The following MCC variants were observed in gnomAD, a reference collection of about 807,000 sequenced individuals.
The protein encoded by MCC is MCC regulator of Wnt signaling pathway, also known as colorectal mutant cancer protein.
MCC carries 90 observed loss-of-function variants against 116.2 expected under a neutral mutation model. That is an observed-to-expected ratio of 0.77 (90% CI 0.65 to 0.92). The LOEUF is 0.92. MCC is among the 40% of genes least tolerant of loss of function. The probability of loss-of-function intolerance (pLI) is 0.00; values close to 1 mark genes in which losing one functional copy is unlikely to be tolerated. For missense variants in MCC, 1,516 were observed against 1,312.2 expected (o/e 1.16, Z -2.40); for synonymous variants, 578 against 510.5 (o/e 1.13, Z -1.78).
At chr5:113,229,793 T>C (rs1763875436) in intron 3 of MCC, among the ~76,000 whole-genome samples, 1 of 152,180 alleles carries the variant, frequency 6.6e-6, no homozygotes, top group African/African-American at 2.4e-5. Flanking sequence ...CAGTACTCAG[T>C]ACAGTAACAT....
chr5:113,106,498 G>T (rs1472572534), intron 6 of MCC, among the ~76,000 whole-genome samples: 1 of 151,768 alleles, frequency 6.6e-6, no homozygotes, highest in African/African-American at 2.4e-5. Flanking sequence ...TTCCTTTGCT[G>T]TTTCCTTTGT....
Position 113,358,864 on chromosome 5 carries a change from G to T in MCC, c.416-18134C>A, listed in dbSNP as rs561507820. 1.6e-3 allele frequency among the ~76,000 whole-genome samples: 241 copies of T among 152,220 alleles called. 1 individual carries two copies. Among genetic ancestry groups the T allele is most frequent in the African/African-American group, 5.2e-3 (216 of 41,554 alleles). On this transcript the variant is annotated intron_variant, in intron 2 of 18. Transcript: ENST00000408903. ...AGTCATTTATTAATGTCAATGCTTG[G>T]TATGAAATTCAGGAACCTGATCCCC...
At chr5:113,391,656 C>T (rs1049081001) in intron 1 of MCC, among the ~76,000 whole-genome samples, 6 of 151,926 alleles carry the variant, frequency 3.9e-5, no homozygotes, top group African/African-American at 1.5e-4. Flanking sequence ...AGTTTGGAGG[C>T]TGCAGCGAGC....
intron 3 of MCC, among the ~76,000 whole-genome samples, chr5:113,302,944 G>C (rs1164362420): frequency 1.3e-5 from 2 of 152,222 alleles, no homozygotes; most frequent in Non-Finnish European, 1.5e-5. Context: ...AATCAATGGA[G>C]ATGGTAAGAA....
chr5:113,168,659 C>T (rs1028470447), intron 3 of MCC, among the ~76,000 whole-genome samples: 5 of 152,058 alleles, frequency 3.3e-5, no homozygotes, highest in Middle Eastern at 3.4e-3. Context: ...TTCTGAATCT[C>T]GTAGTTTGAA....
intron 3 of MCC, among the ~76,000 whole-genome samples, chr5:113,165,940 T>C (rs2150300338): frequency 7.2e-6 from 1 of 138,790 alleles, no homozygotes; most frequent in South Asian, 2.5e-4. Context: ...ATTTGCAAGC[T>C]AAATTTCTCC....
rs1247062777 is a variant in MCC at position 113,025,359 on chromosome 5, G to T, written c.*1943C>A. Reference sequence around the variant, plus strand: ...AATCACAGGAATGGCCAGGCACATTGGCTCATGCCTGTAATCCCAGCACTT... The same window carrying T: ...AATCACAGGAATGGCCAGGCACATTTGCTCATGCCTGTAATCCCAGCACTT... On this transcript the variant is annotated 3_prime_UTR_variant, in exon 19 of 19. Transcript: ENST00000408903. 2.0e-5 allele frequency: 3 copies of T among 151,712 alleles called. No individual in the cohort carries two copies. The highest frequency in any genetic ancestry group is 4.4e-5 in the Non-Finnish European group (3 of 67,984). The allele number at this position is 151,712 out of a possible 1,614,324, so 9.4% of individuals were successfully genotyped here.
At chr5:113,055,096 C>T (rs1450106589) in intron 14 of MCC, among the ~76,000 whole-genome samples, 1 of 152,202 alleles carries the variant, frequency 6.6e-6, no homozygotes, top group African/African-American at 2.4e-5. Context: ...CAAAACAGGC[C>T]AGGCTGTGTT....
chr5:113,238,687 C>T (rs1200639376), intron 3 of MCC, among the ~76,000 whole-genome samples: 1 of 152,192 alleles, frequency 6.6e-6, no homozygotes, highest in African/African-American at 2.4e-5. Context: ...TTAGTTTCAT[C>T]CTCCCACATG....
At chr5:113,370,997 C>T (rs551459184) in intron 2 of MCC, among the ~76,000 whole-genome samples, 1 of 152,234 alleles carries the variant, frequency 6.6e-6, no homozygotes, top group African/African-American at 2.4e-5. Flanking sequence ...GCAGGTGGAT[C>T]ACTTGAGGTC....
At chr5:113,264,917 C>T (rs1450146539) in intron 3 of MCC, among the ~76,000 whole-genome samples, 2 of 152,088 alleles carry the variant, frequency 1.3e-5, no homozygotes, top group African/African-American at 4.8e-5. Flanking sequence ...TGGCACATGC[C>T]TGTAGTCCCA....
intron 1 of MCC, chr5:113,433,570 C>T: frequency 2.7e-5 from 24 of 883,254 alleles, no homozygotes; most frequent in Non-Finnish European, 3.9e-5. Flanking sequence ...CACCTAGGGG[C>T]CACGGGAGAA....
intron 4 of MCC, among the ~76,000 whole-genome samples, chr5:113,149,910 A>C (rs560366221): frequency 6.6e-6 from 1 of 152,242 alleles, no homozygotes; most frequent in African/African-American, 2.4e-5. Context: ...CCCCTAAAAA[A>C]CCAAAAGGAA....
intron 1 of MCC, among the ~76,000 whole-genome samples, chr5:113,402,615 G>A (rs1212638654): frequency 6.6e-6 from 1 of 152,084 alleles, no homozygotes; most frequent in Non-Finnish European, 1.5e-5. Flanking sequence ...ACTTTTTTAA[G>A]GGTTAAAAAA....
At chr5:113,059,915 C>T (rs1217338046) in intron 14 of MCC, among the ~76,000 whole-genome samples, 1 of 152,234 alleles carries the variant, frequency 6.6e-6, no homozygotes, top group Non-Finnish European at 1.5e-5. Flanking sequence ...CAAATATCCT[C>T]TCTTCTATCC....
intron 1 of MCC, among the ~76,000 whole-genome samples, chr5:113,469,941 CTTCT>C (rs796492499): frequency 9.2e-5 from 14 of 152,260 alleles, no homozygotes; most frequent in South Asian, 4.2e-4. Context: ...ATGTAATGGC[CTTCT>C]TTGTCTCTTT....
intron 6 of MCC, among the ~76,000 whole-genome samples, chr5:113,120,621 G>A (rs1452933625): frequency 1.3e-5 from 2 of 152,296 alleles, no homozygotes; most frequent in Middle Eastern, 3.4e-3. Context: ...GCCAGGCCCT[G>A]TGATAATCTC....
At chr5:113,389,184 G>C (rs1769345901) in intron 1 of MCC, among the ~76,000 whole-genome samples, 1 of 152,184 alleles carries the variant, frequency 6.6e-6, no homozygotes, top group Non-Finnish European at 1.5e-5. Context: ...CAAGAGCTAA[G>C]TCTGGAGAAC....
intron 1 of MCC, among the ~76,000 whole-genome samples, chr5:113,390,637 G>A (rs777262518): frequency 2.0e-5 from 3 of 152,070 alleles, no homozygotes; most frequent in African/African-American, 7.2e-5. Context: ...AAGTAAATTC[G>A]CAGCCTAACC....
Sources: allele counts gnomAD v4.1 joint callset (sites outside exome capture counted in the v4.1 genomes callset), GRCh38; gene constraint gnomAD v4.1.1; transcripts MANE v1.5; gene names NCBI Gene and HGNC (gene_info 2026-07-23, HGNC 2026-07-21).